Variants in MAGI1 observed in about 807,000 individuals in gnomAD.
MAGI1 encodes the protein membrane-associated guanylate kinase, WW and PDZ domain-containing protein 1.
Under a neutral mutation model 139.9 loss-of-function variants are expected in MAGI1, and 58 were observed. The observed-to-expected ratio is 0.41, with a 90% CI of 0.34 to 0.52. The LOEUF (loss-of-function observed/expected upper bound fraction) is 0.52, where lower values mean the gene tolerates loss of function less well. Among genes scored for constraint, MAGI1 ranks in the 20% least tolerant of loss-of-function variants. The pLI, the probability that MAGI1 is intolerant of heterozygous loss-of-function variation, is 0.12. For synonymous variants in MAGI1, 812 were observed against 737.9 expected, an observed-to-expected ratio of 1.10 and a Z score of -1.63; for missense variants, 1,874 against 1,901.6, an observed-to-expected ratio of 0.99 and a Z score of 0.27.
chr3:65,924,567 C>T (rs1576079498), intron 1 of MAGI1, among the ~76,000 whole-genome samples: 2 of 152,130 alleles, frequency 1.3e-5, no homozygotes, highest in South Asian at 4.2e-4. Context: ...GAGGCCATCC[C>T]GCATCCCCAA....
At chr3:65,897,522 C>T (rs190779695) in intron 1 of MAGI1, among the ~76,000 whole-genome samples, 200 of 152,050 alleles carry the variant, frequency 1.3e-3, no homozygotes, top group African/African-American at 4.2e-3. Flanking sequence ...ATGTAAATGA[C>T]GAGTTAATGG....
intron 1 of MAGI1, among the ~76,000 whole-genome samples, chr3:65,705,642 A>C (rs2030117877): frequency 6.6e-6 from 1 of 152,254 alleles, no homozygotes; most frequent in Non-Finnish European, 1.5e-5. Context: ...TCAAAAGCTA[A>C]GTCATAACAG....
At chr3:65,694,593 C>T (rs761163091) in intron 1 of MAGI1, among the ~76,000 whole-genome samples, 9 of 152,190 alleles carry the variant, frequency 5.9e-5, no homozygotes, top group Non-Finnish European at 8.8e-5. Context: ...AGGACAGTTT[C>T]GGCAACACCA....
At chr3:65,965,055 G>A (rs1344744970) in intron 1 of MAGI1, among the ~76,000 whole-genome samples, 3 of 152,208 alleles carry the variant, frequency 2.0e-5, no homozygotes, top group Non-Finnish European at 4.4e-5. Flanking sequence ...ACTTTCCTAA[G>A]TGGCCAGAAT....
chr3:65,818,938 A>T (rs375158524), intron 1 of MAGI1, among the ~76,000 whole-genome samples: 1 of 152,230 alleles, frequency 6.6e-6, no homozygotes, highest in East Asian at 1.9e-4. Context: ...ACTAGAAAAC[A>T]TATCTATTTA....
At chr3:66,025,660 C>T (rs1232912327) in intron 1 of MAGI1, among the ~76,000 whole-genome samples, 1 of 152,136 alleles carries the variant, frequency 6.6e-6, no homozygotes, top group East Asian at 1.9e-4. Context: ...AAAAGCCCCC[C>T]CATCTTCAAA....
chr3:65,401,387 C>A, intron 13 of MAGI1, 52 bp downstream of exon 13: 1 of 1,541,342 alleles, frequency 6.5e-7, no homozygotes, highest in East Asian at 2.3e-5. Context: ...CCTCCAGCCC[C>A]CCACCATCCA....
intron 1 of MAGI1, among the ~76,000 whole-genome samples, chr3:65,918,396 T>TTTG (rs1486726224): frequency 6.6e-6 from 1 of 151,132 alleles, no homozygotes; most frequent in Non-Finnish European, 1.5e-5. Context: ...TTTTTTTTTT[T>TTTG]TGTGAGACGG....
chr3:66,002,963 T>C (rs1266118420), intron 1 of MAGI1, among the ~76,000 whole-genome samples: 1 of 152,156 alleles, frequency 6.6e-6, no homozygotes, highest in East Asian at 1.9e-4. Context: ...TTATTAATAG[T>C]ACAGAGCTGG....
At chr3:65,572,559 T>G (rs1478088723) in intron 2 of MAGI1, among the ~76,000 whole-genome samples, 1 of 152,084 alleles carries the variant, frequency 6.6e-6, no homozygotes, top group East Asian at 1.9e-4. Context: ...GGCAAGAGGC[T>G]GCCTGTCAAA....
intron 1 of MAGI1, among the ~76,000 whole-genome samples, chr3:65,707,067 A>G (rs371242484): frequency 4.6e-5 from 7 of 152,308 alleles, no homozygotes; most frequent in East Asian, 3.9e-4. Context: ...TCAGGGAATG[A>G]CAGCTCATTG....
chr3:66,033,279 C>A (rs961340254), intron 1 of MAGI1, among the ~76,000 whole-genome samples: 2 of 152,142 alleles, frequency 1.3e-5, no homozygotes, highest in Admixed American at 1.3e-4. Context: ...CCACCTTGGC[C>A]TCCCAAGGTG....
intron 1 of MAGI1, among the ~76,000 whole-genome samples, chr3:65,795,276 C>T (rs991703442): frequency 3.3e-5 from 5 of 152,138 alleles, no homozygotes; most frequent in African/African-American, 1.2e-4. Flanking sequence ...AAACTACCAT[C>T]AACACAGATC....
intron 1 of MAGI1, among the ~76,000 whole-genome samples, chr3:65,690,723 ACCTCCCAATGTGCTGGGATTACAG>A (rs150180686): frequency 2.2e-5 from 3 of 133,386 alleles, no homozygotes; most frequent in Non-Finnish European, 4.7e-5. Flanking sequence ...CAAGTGATCC[ACCTCCCAATGTGCTGGGATTACAG>A]CCTCCCAATG....
At chr3:65,596,928 T>C (rs1361267742) in intron 2 of MAGI1, among the ~76,000 whole-genome samples, 4 of 152,196 alleles carry the variant, frequency 2.6e-5, no homozygotes, top group Admixed American at 2.6e-4. Flanking sequence ...CTTCCGCATG[T>C]ACATTCTTCC....
intron 2 of MAGI1, among the ~76,000 whole-genome samples, chr3:65,547,516 C>T (rs2079560157): frequency 6.6e-6 from 1 of 152,106 alleles, no homozygotes; most frequent in Non-Finnish European, 1.5e-5. Context: ...TCTGGGTATT[C>T]TTTTTTGTCA....
At chr3:65,921,413 A>C (rs772046291) in intron 1 of MAGI1, among the ~76,000 whole-genome samples, 1 of 151,800 alleles carries the variant, frequency 6.6e-6, no homozygotes, top group Admixed American at 6.6e-5. Context: ...GGTTCAAGTA[A>C]TTCTCCCATC....
At chr3:65,640,668 T>C (rs1305955350) in intron 1 of MAGI1, among the ~76,000 whole-genome samples, 1 of 152,238 alleles carries the variant, frequency 6.6e-6, no homozygotes, top group Non-Finnish European at 1.5e-5. Context: ...GTTGTATGTT[T>C]ATTCACAACA....
chr3:65,480,161 CAAA>C (rs55886178), intron 3 of MAGI1, among the ~76,000 whole-genome samples: 1 of 140,512 alleles, frequency 7.1e-6, no homozygotes, highest in Non-Finnish European at 1.5e-5. Flanking sequence ...ACACAAGCAC[CAAA>C]AAAAAAAAAA....
Sources: allele counts gnomAD v4.1 joint callset (sites outside exome capture counted in the v4.1 genomes callset), GRCh38; gene constraint gnomAD v4.1.1; transcripts MANE v1.5; gene names NCBI Gene and HGNC (gene_info 2026-07-23, HGNC 2026-07-21).